Variants in PLCB1 observed in about 807,000 individuals in gnomAD.
PLCB1 encodes the protein 1-phosphatidylinositol 4,5-bisphosphate phosphodiesterase beta-1.
PLCB1 carries 46 observed loss-of-function variants against 161.8 expected under a neutral mutation model. The observed-to-expected ratio is 0.28, with a 90% CI of 0.22 to 0.36. The LOEUF is 0.36. PLCB1 is among the 10% of genes least tolerant of loss of function. PLCB1 has a pLI of 1.00. For synonymous variants in PLCB1, 517 were observed against 503.7 expected (o/e 1.03, Z -0.35); for missense variants, 1,016 against 1,472.5 (o/e 0.69, Z 5.07).
intron 31 of PLCB1, among the ~76,000 whole-genome samples, chr20:8,794,852 G>C (rs1281970543): frequency 2.0e-5 from 3 of 152,150 alleles, no homozygotes; most frequent in Non-Finnish European, 2.9e-5. Context: ...AAAGAAATTT[G>C]AAAAGCCAAT....
At chr20:8,194,801 T>A (rs1263968710) in intron 2 of PLCB1, among the ~76,000 whole-genome samples, 1 of 152,084 alleles carries the variant, frequency 6.6e-6, no homozygotes, top group Non-Finnish European at 1.5e-5. Flanking sequence ...TATGTCATTG[T>A]CTCATTGCTG....
intron 3 of PLCB1, among the ~76,000 whole-genome samples, chr20:8,391,836 T>TTGGTGG (rs1987615259): frequency 6.9e-6 from 1 of 145,654 alleles, no homozygotes; most frequent in Non-Finnish European, 1.5e-5. Flanking sequence ...CACACACATA[T>TTGGTGG]ATATATATTA....
intron 2 of PLCB1, among the ~76,000 whole-genome samples, chr20:8,174,013 A>G (rs557669385): frequency 1.3e-5 from 2 of 152,280 alleles, no homozygotes; most frequent in African/African-American, 2.4e-5. Context: ...AACAATAACA[A>G]AATTTCTAAG....
chr20:8,565,495 A>G lies in PLCB1; in HGVS notation c.247-62799A>G. On this transcript the variant is annotated intron_variant, in intron 3 of 31. Transcript: ENST00000338037. ...AAGTATAATAAAAACTTAAAGTATA[A>G]TAAACTTTATTATACTTTAAATATA... 1.3e-5 allele frequency among the ~76,000 whole-genome samples: 2 copies of G among 151,782 alleles called. 1 individual carries two copies.
chr20:8,327,906 A>G (rs2122181701), intron 2 of PLCB1, among the ~76,000 whole-genome samples: 1 of 152,096 alleles, frequency 6.6e-6, no homozygotes, highest in South Asian at 2.1e-4. Flanking sequence ...ATATATATAT[A>G]TACACACACA....
At chr20:8,152,787 G>A (rs1255144731) in intron 2 of PLCB1, among the ~76,000 whole-genome samples, 2 of 152,072 alleles carry the variant, frequency 1.3e-5, no homozygotes, top group Non-Finnish European at 2.9e-5. Flanking sequence ...GGTCCACGAA[G>A]CTTATACCAA....
chr20:8,275,549 G>A (rs1982498623), intron 2 of PLCB1, among the ~76,000 whole-genome samples: 1 of 152,226 alleles, frequency 6.6e-6, no homozygotes, highest in South Asian at 2.1e-4. Context: ...TCAGTGACTT[G>A]CTCTGCCCTA....
At chr20:8,253,645 A>G (rs948402687) in intron 2 of PLCB1, among the ~76,000 whole-genome samples, 6 of 151,980 alleles carry the variant, frequency 3.9e-5, no homozygotes, top group African/African-American at 1.2e-4. Context: ...TATTTTAGAT[A>G]CAGGGAGTAC....
chr20:8,218,453 G>C (rs2123158381), intron 2 of PLCB1, among the ~76,000 whole-genome samples: 1 of 152,168 alleles, frequency 6.6e-6, no homozygotes, highest in South Asian at 2.1e-4. Flanking sequence ...AGACTGCCTA[G>C]TTCAAATTTC....
At chr20:8,602,383 A>G (rs369933277) in intron 3 of PLCB1, among the ~76,000 whole-genome samples, 25 of 152,354 alleles carry the variant, frequency 1.6e-4, no homozygotes, top group Admixed American at 6.5e-4. Context: ...TGCCAGGGAT[A>G]TCATCACTTC....
intron 2 of PLCB1, among the ~76,000 whole-genome samples, chr20:8,242,981 T>A (rs1316325871): frequency 6.6e-6 from 1 of 151,968 alleles, no homozygotes; most frequent in Non-Finnish European, 1.5e-5. Flanking sequence ...TGGGGAATTT[T>A]GGAGAAAAAC....
intron 31 of PLCB1, among the ~76,000 whole-genome samples, chr20:8,870,973 T>C (rs184429969): frequency 6.6e-6 from 1 of 152,226 alleles, no homozygotes; most frequent in African/African-American, 2.4e-5. Context: ...AGCATCACCT[T>C]GGAGCTTGTT....
chr20:8,283,125 C>T (rs553490038), intron 2 of PLCB1, among the ~76,000 whole-genome samples: 7 of 152,306 alleles, frequency 4.6e-5, no homozygotes, highest in Non-Finnish European at 7.4e-5. Flanking sequence ...GGAAAGGATA[C>T]TCTGGACATT....
intron 2 of PLCB1, among the ~76,000 whole-genome samples, chr20:8,196,340 CATT>C (rs2052023808): frequency 1.3e-5 from 2 of 152,090 alleles, no homozygotes; most frequent in Non-Finnish European, 2.9e-5. Context: ...AACTCTGTAT[CATT>C]ATTGAGCAAG....
chr20:8,662,425 TTTATTATATAATTATGTGTTATGTATAA>T (rs1989695837), intron 9 of PLCB1, among the ~76,000 whole-genome samples: 5 of 123,858 alleles, frequency 4.0e-5, no homozygotes, highest in East Asian at 2.3e-4. Flanking sequence ...TATATAATTA[TTTATTATATAATTATGTGTTATGTATAA>T]TTATTATATA....
At chr20:8,575,416 G>T (rs1238545608) in intron 3 of PLCB1, among the ~76,000 whole-genome samples, 1 of 152,184 alleles carries the variant, frequency 6.6e-6, no homozygotes, top group East Asian at 1.9e-4. Flanking sequence ...AAATGTCTGT[G>T]CATAGACAGA....
chr20:8,608,333 A>T (rs1028449147), intron 3 of PLCB1, among the ~76,000 whole-genome samples: 1 of 152,124 alleles, frequency 6.6e-6, no homozygotes, highest in African/African-American at 2.4e-5. Flanking sequence ...GAGCTTTGGG[A>T]TTCTGTAAAG....
At chr20:8,327,178 G>A (rs1168654225) in intron 2 of PLCB1, among the ~76,000 whole-genome samples, 5 of 152,166 alleles carry the variant, frequency 3.3e-5, no homozygotes, top group Non-Finnish European at 7.3e-5. Flanking sequence ...GAGCCACTGT[G>A]CCTAGCCTGT....
chr20:8,325,400 A>AATAAGCAAC (rs1346398174), intron 2 of PLCB1, among the ~76,000 whole-genome samples: 4 of 152,200 alleles, frequency 2.6e-5, no homozygotes, highest in South Asian at 2.1e-4. Flanking sequence ...AAAATATTTT[A>AATAAGCAAC]ATAAGCAACA....
Sources: allele counts gnomAD v4.1 joint callset (sites outside exome capture counted in the v4.1 genomes callset), GRCh38; gene constraint gnomAD v4.1.1; transcripts MANE v1.5; gene names NCBI Gene and HGNC (gene_info 2026-07-23, HGNC 2026-07-21).